DOCK11: variants seen among roughly 807,000 people sequenced by gnomAD.
DOCK11 encodes dedicator of cytokinesis protein 11.
A neutral mutation model predicts 169.1 loss-of-function variants in DOCK11; 70 were observed. The observed-to-expected ratio is 0.41, with a 90% CI of 0.34 to 0.51. DOCK11 has a LOEUF of 0.51. Ranked by LOEUF, DOCK11 falls within the 20% of genes least tolerant of loss-of-function variation. DOCK11 has a pLI of 0.10. For missense variants in DOCK11, 1,166 were observed against 1,538.8 expected, an observed-to-expected ratio of 0.76 and a Z score of 4.05; for synonymous variants, 529 against 541.3, an observed-to-expected ratio of 0.98 and a Z score of 0.32.
chrX:118,498,413 A>G (rs1161656555), intron 1 of DOCK11, among the ~76,000 whole-genome samples: 1 of 112,804 alleles, frequency 8.9e-6, no homozygotes, highest in African/African-American at 3.2e-5. Context: ...TGCTATTTGT[A>G]AGCAGTTTAG....
rs748751825 is a variant in DOCK11, at chrX:118,630,429, T to G, written c.3825T>G (p.Asp1275Glu). ...GTGTATCCCAGTATAACCGCCTGGA[T>G]CAGTATGAAATCAGAAGCCTCCTGA... ...RSSVSQYNRL[D>E]QYEIRSLLMC... is the part of the protein sequence containing the mutation. Residue 1275 changes from aspartate to glutamate, a missense_variant, in exon 35 of 53, where the codon GAT becomes GAG. Coordinates refer to ENST00000276202, the MANE Select transcript of DOCK11 (RefSeq NM_144658.4). 61 of 1,208,279 alleles carry G rather than the reference T, an allele frequency of 5.0e-5. No homozygotes were observed. In the East Asian group the frequency reaches 1.8e-3, roughly 36 times the overall value.
chrX:118,630,312 GAGTT>G lies in DOCK11; in HGVS notation c.3775-65_3775-62del, dbSNP rs1395671600. ...CCAAACAGATCTAATGATAAAAAAA[GAGTT>G]ACTGAGTTAAAGGCTGTGGAAAATT... On this transcript the variant is annotated intron_variant, in intron 34 of 52. Transcript: ENST00000276202. 7 of 602,384 alleles carry G rather than the reference GAGTT, an allele frequency of 1.2e-5. No individual in the cohort carries two copies. The East Asian group carries it at 2.3e-4, about 20-fold the overall frequency. 49.6% of individuals were successfully genotyped at this position (602,384 alleles called of 1,213,427 possible). A position where few individuals can be genotyped will look rare whatever the true frequency, so the allele number is the denominator to read the frequency against.
intron 1 of DOCK11, among the ~76,000 whole-genome samples, chrX:118,517,023 C>T (rs1240481062): frequency 1.8e-5 from 2 of 111,406 alleles, no homozygotes; most frequent in African/African-American, 3.3e-5. Flanking sequence ...ATATTCAAAA[C>T]AACATTCCCA....
chrX:118,597,617 G>T (rs1256426518), intron 21 of DOCK11, 65 bp downstream of exon 21: 20 of 1,171,620 alleles, frequency 1.7e-5, no homozygotes, highest in African/African-American at 1.8e-5. Context: ...AATTCTGTTG[G>T]TCTCGATTGT....
intron 1 of DOCK11, among the ~76,000 whole-genome samples, chrX:118,500,644 C>T (rs1274850079): frequency 9.2e-6 from 1 of 109,191 alleles, no homozygotes. Context: ...TTTTTTGAGA[C>T]AAAGTCTTGC....
intron 45 of DOCK11, among the ~76,000 whole-genome samples, chrX:118,665,387 G>A (rs939031825): frequency 8.9e-6 from 1 of 112,042 alleles, no homozygotes; most frequent in Non-Finnish European, 1.9e-5. Flanking sequence ...GAGACCTGCA[G>A]GTTTTACAGG....
In DOCK11 at chrX:118,532,220, C is replaced by T. The variant is rs184034989; in HGVS notation, c.103-10505C>T. Among the ~76,000 whole-genome samples, 280 of 111,160 alleles carry T rather than the reference C, an allele frequency of 2.5e-3. 1 individual carries two copies. Among genetic ancestry groups the T allele is most frequent in the Non-Finnish European group, 2.7e-3 (145 of 52,992 alleles). On this transcript the variant is annotated intron_variant, in intron 1 of 52. Transcript: ENST00000276202. ...AGGCTAAGCTATTGGAGCTTTCATA[C>T]GGTGAGACCCTATAAAGTTATAGAA... is the stretch of plus-strand genomic sequence containing the variant.
At chrX:118,659,449 A>G (rs2016160814) in intron 44 of DOCK11, among the ~76,000 whole-genome samples, 1 of 112,259 alleles carries the variant, frequency 8.9e-6, no homozygotes, top group Non-Finnish European at 1.9e-5. Context: ...ACATTGGCCA[A>G]TTCTAGACTC....
At chrX:118,618,347 C>T (rs1034026128) in intron 30 of DOCK11, among the ~76,000 whole-genome samples, 4 of 111,722 alleles carry the variant, frequency 3.6e-5, no homozygotes, top group African/African-American at 1.3e-4. Flanking sequence ...TTAAAGCTAT[C>T]GTTTAGCCCA....
chrX:118,566,540 T>C (rs2013085582), intron 8 of DOCK11, 34 bp from the exon 9 acceptor site: 1 of 1,175,901 alleles, frequency 8.5e-7, no homozygotes, highest in African/African-American at 1.8e-5. Context: ...ATGGTCTGTA[T>C]GGTTTAGAAC....
chrX:118,662,918 T>C (rs1286910781), intron 45 of DOCK11, 126 bp downstream of exon 45: 9 of 471,633 alleles, frequency 1.9e-5, no homozygotes, highest in Non-Finnish European at 3.3e-5. Flanking sequence ...CTTTAAGTAT[T>C]AAAACTGTCC....
At chrX:118,577,308 A>C (rs189511500) in intron 12 of DOCK11, among the ~76,000 whole-genome samples, 10 of 112,275 alleles carry the variant, frequency 8.9e-5, no homozygotes, top group South Asian at 3.7e-4. Flanking sequence ...GCAGTACCCG[A>C]AGCCAGGTTC....
chrX:118,646,458 A>G (rs1444779794), intron 40 of DOCK11, among the ~76,000 whole-genome samples: 2 of 111,707 alleles, frequency 1.8e-5, no homozygotes, highest in Non-Finnish European at 3.8e-5. Flanking sequence ...GGTGGGAAGA[A>G]AGGTAAGAAA....
At chrX:118,652,108 A>G in intron 42 of DOCK11, 31 bp downstream of exon 42, 1 of 981,593 alleles carries the variant, frequency 1.0e-6, no homozygotes, top group Non-Finnish European at 1.4e-6. Flanking sequence ...ATAAATTAGA[A>G]CCACCTTTGC....
intron 31 of DOCK11, among the ~76,000 whole-genome samples, chrX:118,622,046 A>T (rs1035025482): frequency 8.9e-6 from 1 of 112,056 alleles, no homozygotes; most frequent in Admixed American, 9.5e-5. Flanking sequence ...ACTACAAGTA[A>T]TGTTCATACC....
intron 40 of DOCK11, among the ~76,000 whole-genome samples, chrX:118,647,185 G>A (rs868263869): frequency 1.2e-5 from 1 of 86,729 alleles, no homozygotes; most frequent in African/African-American, 4.9e-5. Context: ...GTGTGTGTGT[G>A]TGTATCTCCT....
intron 1 of DOCK11, among the ~76,000 whole-genome samples, chrX:118,513,372 G>T (rs2057662044): frequency 1.8e-5 from 2 of 112,250 alleles, no homozygotes; most frequent in Non-Finnish European, 3.8e-5. Context: ...TACACATCTG[G>T]CAAGGTTGTC....
At chrX:118,633,553 C>T (rs2015306398) in intron 35 of DOCK11, 3 of 112,333 alleles carry the variant, frequency 2.7e-5, no homozygotes, top group Admixed American at 9.4e-5. Flanking sequence ...TTGCCAGTGG[C>T]TTCTGGCTGG....
rs766253271 is a variant in DOCK11 at position 118,605,324 on chromosome X, C to T, written c.2649C>T (p.Thr883=). 8.4e-7 allele frequency: 1 copy of T among 1,194,974 alleles called. No homozygotes were observed. The highest frequency in any genetic ancestry group is 2.3e-5 in the Admixed American group (1 of 43,620). ...TCTTCCGAGTTCTCACAAATATGAC[C>T]CATGAAGATGACGTTCCTATCAACT... The part of the protein sequence containing the change: ...MQLFRVLTNM[T]HEDDVPINCT... The change falls in exon 24 of 53, where the codon ACC becomes ACT. Residue 883 remains threonine (T), a synonymous_variant. Transcript: ENST00000276202.
Sources: gnomAD v4.1 joint callset for allele counts (sites outside exome capture counted in the v4.1 genomes callset) on GRCh38, gnomAD v4.1.1 for gene constraint, MANE v1.5 for transcripts, NCBI Gene and HGNC (gene_info 2026-07-23, HGNC 2026-07-21) for gene names.